The following CABLES1 variants were observed in gnomAD, a reference collection of about 807,000 sequenced individuals.
CABLES1 encodes the protein CDK5 and ABL1 enzyme substrate 1.
CABLES1 carries 36 observed loss-of-function variants against 57.8 expected under a neutral mutation model. The observed-to-expected ratio is 0.62, with a 90% confidence interval of 0.48 to 0.82. CABLES1 has a LOEUF of 0.82. CABLES1 is among the 40% of genes least tolerant of loss of function. CABLES1 has a pLI of 0.00. For missense variants in CABLES1, 767 were observed against 836.6 expected, an observed-to-expected ratio of 0.92 and a Z score of 1.03; for synonymous variants, 374 against 363.0, an observed-to-expected ratio of 1.03 and a Z score of -0.35.
chr18:23,225,594 C>T (rs1453395528), intron 4 of CABLES1, among the ~76,000 whole-genome samples: 2 of 152,218 alleles, frequency 1.3e-5, no homozygotes, highest in Non-Finnish European at 2.9e-5. Context: ...ATCAAACCTT[C>T]CCATAGCTGT....
chr18:23,236,490 A>T (rs972858518), intron 6 of CABLES1, among the ~76,000 whole-genome samples: 6 of 152,130 alleles, frequency 3.9e-5, no homozygotes, highest in Admixed American at 2.0e-4. Context: ...TTGGCGGCTG[A>T]AGGAAGACTT....
At chr18:23,219,940 G>A (rs566816606) in intron 4 of CABLES1, among the ~76,000 whole-genome samples, 66 of 152,268 alleles carry the variant, frequency 4.3e-4, no homozygotes, top group African/African-American at 1.5e-3. Flanking sequence ...CAGATCTGGT[G>A]GCTTCTTGCC....
At chr18:23,174,588 C>T (rs1252967436) in intron 1 of CABLES1, among the ~76,000 whole-genome samples, 19 of 151,798 alleles carry the variant, frequency 1.3e-4, no homozygotes, top group Admixed American at 1.2e-3. Flanking sequence ...TCTCCTGCCT[C>T]AGCCTCCCGA....
chr18:23,193,539 C>T (rs2047261075), intron 2 of CABLES1, among the ~76,000 whole-genome samples: 1 of 152,200 alleles, frequency 6.6e-6, no homozygotes, highest in South Asian at 2.1e-4. Flanking sequence ...GCACCCATGT[C>T]CCATGGCAGG....
intron 1 of CABLES1, among the ~76,000 whole-genome samples, chr18:23,151,980 T>C (rs1248096402): frequency 5.3e-5 from 8 of 152,208 alleles, no homozygotes; most frequent in South Asian, 2.1e-4. Flanking sequence ...TGGAGATGGA[T>C]TAGATACGGA....
chr18:23,196,919 G>A (rs11082322), intron 3 of CABLES1: 1 of 152,370 alleles, frequency 6.6e-6, no homozygotes, highest in Non-Finnish European at 1.5e-5. Context: ...ATCCACGGCT[G>A]ATTTGCTCTT....
At chr18:23,235,076 T>C (rs576223819) in intron 5 of CABLES1, among the ~76,000 whole-genome samples, 2 of 152,294 alleles carry the variant, frequency 1.3e-5, no homozygotes, top group African/African-American at 4.8e-5. Context: ...CCCATGGTCC[T>C]GGGAAGCTAA....
At chr18:23,211,543 C>G (rs1379783529) in intron 3 of CABLES1, among the ~76,000 whole-genome samples, 5 of 152,232 alleles carry the variant, frequency 3.3e-5, no homozygotes, top group Admixed American at 6.5e-5. Context: ...ACCCACAGGC[C>G]AGGCTGGAAA....
At chr18:23,215,423 A>G (rs966512297) in intron 4 of CABLES1, among the ~76,000 whole-genome samples, 9 of 152,154 alleles carry the variant, frequency 5.9e-5, no homozygotes, top group African/African-American at 2.2e-4. Context: ...AAGGGCCCAG[A>G]ATGTTTGAGT....
intron 9 of CABLES1, among the ~76,000 whole-genome samples, chr18:23,256,219 A>G (rs1258994053): frequency 6.6e-6 from 1 of 152,362 alleles, no homozygotes; most frequent in East Asian, 1.9e-4. Flanking sequence ...GCCTGAGCAA[A>G]CATGAGGCCC....
At chr18:23,181,879 T>C (rs1403388785) in intron 1 of CABLES1, among the ~76,000 whole-genome samples, 1 of 152,254 alleles carries the variant, frequency 6.6e-6, no homozygotes, top group Non-Finnish European at 1.5e-5. Flanking sequence ...TTGGGGTTTA[T>C]TTGGTCATAA....
intron 1 of CABLES1, among the ~76,000 whole-genome samples, chr18:23,162,546 A>G (rs941045217): frequency 3.9e-5 from 6 of 152,206 alleles, no homozygotes; most frequent in African/African-American, 1.4e-4. Flanking sequence ...ACCTTAAGGG[A>G]ACTTACAGTC....
At position 23,136,008 on chromosome 18, in the gene CABLES1, C is replaced by G; in HGVS notation, c.246C>G (p.Asp82Glu). The G allele has an allele frequency of 8.8e-7, 1 of 1,141,508 alleles. No homozygotes were observed. The highest frequency in any genetic ancestry group is 1.1e-6 in the Non-Finnish European group (1 of 930,950). The allele number at this position is 1,141,508 out of a possible 1,614,324, so 70.7% of individuals were successfully genotyped here. The change falls in exon 1 of 10, where the codon GAC becomes GAG. Residue 82 changes from aspartate (D) to glutamate (E), a missense_variant. Asp to Glu is a conservative substitution (Grantham distance 45). Around this residue, in one of 4 missense-constraint regions of CABLES1, gnomAD observed 198 missense variants for 149.7 expected, o/e 1.32. Coordinates refer to ENST00000256925, the MANE Select transcript of CABLES1 (RefSeq NM_001100619.3). The stretch of plus-strand genomic sequence containing the variant: ...TGGACGGCCGGCTGCCGCCGCAGGA[C>G]GCGGAGTGGGGCGGTGGCGAGGAGG... ...ISLDGRLPPQ[D>E]AEWGGGEEGG...
chr18:23,141,632 T>C (rs1198660665), intron 1 of CABLES1, among the ~76,000 whole-genome samples: 4 of 152,166 alleles, frequency 2.6e-5, no homozygotes, highest in Non-Finnish European at 5.9e-5. Flanking sequence ...CTGTGGATGG[T>C]GGGCGCAGTC....
At chr18:23,190,562 C>G (rs1286663087) in intron 2 of CABLES1, 2 of 152,174 alleles carry the variant, frequency 1.3e-5, no homozygotes, top group African/African-American at 4.8e-5. Flanking sequence ...TGCGCTGTCA[C>G]CCCTCTTCAC....
chr18:23,255,981 C>T (rs1027166525), intron 9 of CABLES1, among the ~76,000 whole-genome samples: 1 of 152,150 alleles, frequency 6.6e-6, no homozygotes, highest in Non-Finnish European at 1.5e-5. Context: ...TTCAAGGTGC[C>T]TCTATCACCT....
chr18:23,148,486 G>A (rs781309469), intron 1 of CABLES1, among the ~76,000 whole-genome samples: 52 of 152,254 alleles, frequency 3.4e-4, no homozygotes, highest in Non-Finnish European at 6.0e-4. Flanking sequence ...CTTTGTCCAG[G>A]GATCCCATTT....
At chr18:23,194,695 C>A (rs1220752591) in intron 3 of CABLES1, among the ~76,000 whole-genome samples, 155 bp downstream of exon 3, 1 of 152,162 alleles carries the variant, frequency 6.6e-6, no homozygotes, top group Non-Finnish European at 1.5e-5. Flanking sequence ...ATTTCCACCC[C>A]ACTCATGCCA....
At chr18:23,196,519 G>T (rs1357086174) in intron 3 of CABLES1, among the ~76,000 whole-genome samples, 1 of 152,192 alleles carries the variant, frequency 6.6e-6, no homozygotes, top group Non-Finnish European at 1.5e-5. Flanking sequence ...GGAAATTGTA[G>T]TCGAGAGCTG....
Sources: allele counts gnomAD v4.1 joint callset (sites outside exome capture counted in the v4.1 genomes callset), GRCh38; gene constraint gnomAD v4.1.1; regional missense constraint gnomAD v4.1.1; transcripts MANE v1.5; gene names NCBI Gene and HGNC (gene_info 2026-07-23, HGNC 2026-07-21).